Variants in FGF14 observed in about 807,000 individuals in gnomAD.
FGF14 encodes the protein fibroblast growth factor 14.
FGF14 carries 5 observed loss-of-function variants against 25.5 expected under a neutral mutation model. That is an observed-to-expected ratio of 0.20 (90% CI 0.10 to 0.41). The LOEUF is 0.41. FGF14 is among the 10% of genes least tolerant of loss of function. The pLI, the probability that FGF14 is intolerant of heterozygous loss-of-function variation, is 1.00. For synonymous variants in FGF14, 138 were observed against 118.3 expected, an observed-to-expected ratio of 1.17 and a Z score of -1.08; for missense variants, 222 against 320.1, an observed-to-expected ratio of 0.69 and a Z score of 2.34.
intron 1 of FGF14, among the ~76,000 whole-genome samples, chr13:101,989,525 C>T (rs2038782370): frequency 6.6e-6 from 1 of 152,012 alleles, no homozygotes. Context: ...ATCCCTTAGA[C>T]AGGGATTTAA....
chr13:101,775,144 A>C (rs2039024396), intron 3 of FGF14, among the ~76,000 whole-genome samples: 1 of 152,178 alleles, frequency 6.6e-6, no homozygotes, highest in Admixed American at 6.6e-5. Flanking sequence ...AGATTAACAC[A>C]GTTTATATAT....
intron 1 of FGF14, among the ~76,000 whole-genome samples, chr13:102,352,131 G>T (rs892219141): frequency 6.6e-6 from 1 of 151,974 alleles, no homozygotes; most frequent in Non-Finnish European, 1.5e-5. Flanking sequence ...TGGCTGGGAC[G>T]TTGTCAAACA....
At chr13:102,085,308 C>T (rs1010102287) in intron 1 of FGF14, among the ~76,000 whole-genome samples, 1 of 152,136 alleles carries the variant, frequency 6.6e-6, no homozygotes, top group African/African-American at 2.4e-5. Flanking sequence ...ATGTGCCAGG[C>T]ATTGTACTTA....
At chr13:101,914,426 T>A (rs900554422) in intron 1 of FGF14, among the ~76,000 whole-genome samples, 1 of 152,014 alleles carries the variant, frequency 6.6e-6, no homozygotes, top group Admixed American at 6.5e-5. Flanking sequence ...ACAATTTCCT[T>A]ATAACGTATC....
At chr13:102,309,902 A>G (rs777252981) in intron 1 of FGF14, among the ~76,000 whole-genome samples, 1 of 152,162 alleles carries the variant, frequency 6.6e-6, no homozygotes, top group Non-Finnish European at 1.5e-5. Context: ...TTTCATTTGA[A>G]CCTAGCAATC....
At chr13:102,199,870 C>T (rs530253209) in intron 1 of FGF14, among the ~76,000 whole-genome samples, 1 of 152,264 alleles carries the variant, frequency 6.6e-6, no homozygotes, top group East Asian at 1.9e-4. Flanking sequence ...TCTTCTGCAC[C>T]TCAAACCCAC....
chr13:101,934,785 T>C (rs1054750377), intron 1 of FGF14, among the ~76,000 whole-genome samples: 2 of 152,200 alleles, frequency 1.3e-5, no homozygotes, highest in Admixed American at 1.3e-4. Flanking sequence ...TTGGTGGAGA[T>C]TGGGAGAATG....
chr13:102,262,830 A>G (rs956161764), intron 1 of FGF14, among the ~76,000 whole-genome samples: 8 of 152,110 alleles, frequency 5.3e-5, no homozygotes, highest in Non-Finnish European at 8.8e-5. Flanking sequence ...TGATTGATTG[A>G]TTGATTTTTA....
At chr13:101,841,087 C>G (rs1362704984) in intron 3 of FGF14, among the ~76,000 whole-genome samples, 6 of 151,922 alleles carry the variant, frequency 3.9e-5, no homozygotes, top group South Asian at 4.2e-4. Context: ...AGTTTGGTGT[C>G]CCCTTGGTAT....
chr13:101,806,564 T>C (rs2041218012), intron 3 of FGF14, among the ~76,000 whole-genome samples: 1 of 152,106 alleles, frequency 6.6e-6, no homozygotes, highest in Non-Finnish European at 1.5e-5. Flanking sequence ...TTGAAATATT[T>C]GATAAATGTA....
At chr13:102,026,348 T>A (rs997287373) in intron 1 of FGF14, among the ~76,000 whole-genome samples, 1 of 151,902 alleles carries the variant, frequency 6.6e-6, no homozygotes, top group Non-Finnish European at 1.5e-5. Context: ...ATTTTTATAT[T>A]TCATTAAAAT....
intron 1 of FGF14, among the ~76,000 whole-genome samples, chr13:102,066,959 A>T (rs1251783842): frequency 6.6e-6 from 1 of 152,148 alleles, no homozygotes; most frequent in Non-Finnish European, 1.5e-5. Flanking sequence ...GAAAGTAAAA[A>T]ATTGTATTTA....
chr13:101,889,230 G>A (rs2046144403), intron 1 of FGF14, among the ~76,000 whole-genome samples: 1 of 150,828 alleles, frequency 6.6e-6, no homozygotes, highest in Admixed American at 6.6e-5. Context: ...TAGAGGAATT[G>A]CCATTTAAAA....
At chr13:102,317,665 G>A (rs926244636) in intron 1 of FGF14, among the ~76,000 whole-genome samples, 1 of 152,150 alleles carries the variant, frequency 6.6e-6, no homozygotes, top group African/African-American at 2.4e-5. Context: ...TGAGAACCAA[G>A]GAGAGCAGCA....
At chr13:102,236,330 G>T (rs1466713277) in intron 1 of FGF14, among the ~76,000 whole-genome samples, 1 of 152,124 alleles carries the variant, frequency 6.6e-6, no homozygotes, top group Non-Finnish European at 1.5e-5. Context: ...GATGAGAACA[G>T]GAAAAAATGA....
chr13:101,797,772 T>TGTGTGTGTGTGA (rs1555384576), intron 3 of FGF14, among the ~76,000 whole-genome samples: 5 of 145,668 alleles, frequency 3.4e-5, no homozygotes, highest in Admixed American at 1.4e-4. Context: ...TGTGTGTGTG[T>TGTGTGTGTGTGA]GTGTGTGTGT....
chr13:102,216,524 C>T (rs1010998079), intron 1 of FGF14, among the ~76,000 whole-genome samples: 20 of 152,072 alleles, frequency 1.3e-4, no homozygotes, highest in African/African-American at 4.6e-4. Flanking sequence ...ATAAACATTG[C>T]TTTTTTTAAG....
chr13:102,178,319 G>T (rs572890144), intron 1 of FGF14, among the ~76,000 whole-genome samples: 72 of 152,148 alleles, frequency 4.7e-4, no homozygotes, highest in African/African-American at 1.6e-3. Context: ...AACTGACTTT[G>T]CTGACTTAGG....
chr13:102,113,672 G>A (rs1430418235), intron 1 of FGF14, among the ~76,000 whole-genome samples: 1 of 152,118 alleles, frequency 6.6e-6, no homozygotes, highest in African/African-American at 2.4e-5. Flanking sequence ...CTAATGGACG[G>A]TGCTGCTGTG....
Sources: gnomAD v4.1 joint callset for allele counts (sites outside exome capture counted in the v4.1 genomes callset) on GRCh38, gnomAD v4.1.1 for gene constraint, MANE v1.5 for transcripts, NCBI Gene and HGNC (gene_info 2026-07-23, HGNC 2026-07-21) for gene names.